The following BICRAL variants were observed in gnomAD, a reference collection of about 807,000 sequenced individuals.
The protein encoded by BICRAL is BRD4-interacting chromatin-remodeling complex-associated protein-like.
Under a neutral mutation model 91.8 loss-of-function variants are expected in BICRAL, and 8 were observed. The ratio of observed to expected loss-of-function variants is 0.09; its 90% confidence interval spans 0.05 to 0.16. BICRAL has a LOEUF of 0.16. Among genes scored for constraint, BICRAL ranks in the 10% least tolerant of loss-of-function variants. BICRAL has a pLI of 1.00. For synonymous variants in BICRAL, 445 were observed against 491.1 expected (o/e 0.91, Z 1.24); for missense variants, 1,038 against 1,310.9 (o/e 0.79, Z 3.21).
intron 1 of BICRAL, among the ~76,000 whole-genome samples, chr6:42,775,657 CT>C (rs548746964): frequency 1.3e-5 from 2 of 151,486 alleles, no homozygotes; most frequent in African/African-American, 2.4e-5. Context: ...GTGCTGAATG[CT>C]TTTTTTTTAT....
intron 8 of BICRAL, among the ~76,000 whole-genome samples, chr6:42,853,950 C>T (rs1053338013): frequency 6.6e-5 from 10 of 152,182 alleles, no homozygotes; most frequent in African/African-American, 2.2e-4. Context: ...CTATTTCTGA[C>T]ATGTTTACAG....
intron 1 of BICRAL, among the ~76,000 whole-genome samples, chr6:42,775,689 T>C (rs1463914906): frequency 6.6e-6 from 1 of 152,216 alleles, no homozygotes; most frequent in African/African-American, 2.4e-5. Flanking sequence ...TCTGCTGTAT[T>C]GTATTAATTC....
chr6:42,851,631 T>A (rs1251006735), intron 6 of BICRAL, among the ~76,000 whole-genome samples: 1 of 152,224 alleles, frequency 6.6e-6, no homozygotes, highest in East Asian at 1.9e-4. Context: ...TTATATCATC[T>A]ACACAGCAAA....
chr6:42,860,397 C>A, intron 11 of BICRAL, 41 bp downstream of exon 11: 1 of 1,112,140 alleles, frequency 9.0e-7, no homozygotes, highest in Non-Finnish European at 1.4e-6. Flanking sequence ...TAAAACTTTA[C>A]AGGTCACAGC....
chr6:42,775,875 A>G (rs1031336407), intron 1 of BICRAL, among the ~76,000 whole-genome samples: 7 of 152,226 alleles, frequency 4.6e-5, no homozygotes, highest in African/African-American at 1.7e-4. Flanking sequence ...CAAGGTATTG[A>G]AAACATTTGT....
chr6:42,833,149 G>A (rs1423445799), intron 6 of BICRAL, among the ~76,000 whole-genome samples: 3 of 150,580 alleles, frequency 2.0e-5, no homozygotes, highest in Non-Finnish European at 3.0e-5. Flanking sequence ...TCCGCCTCCC[G>A]GGTTCACGCC....
chr6:42,757,588 T>A (rs1762482140), intron 1 of BICRAL, among the ~76,000 whole-genome samples: 1 of 152,138 alleles, frequency 6.6e-6, no homozygotes, highest in Admixed American at 6.5e-5. Flanking sequence ...GGTTTTGCCA[T>A]GTTGGCCAGA....
intron 1 of BICRAL, among the ~76,000 whole-genome samples, chr6:42,770,155 G>C (rs1463318126): frequency 6.6e-6 from 1 of 152,120 alleles, no homozygotes; most frequent in Non-Finnish European, 1.5e-5. Flanking sequence ...TTCCCCATGT[G>C]ATTTGGAGAA....
chr6:42,758,609 C>T (rs1762494455), intron 1 of BICRAL, among the ~76,000 whole-genome samples: 1 of 151,508 alleles, frequency 6.6e-6, no homozygotes, highest in Non-Finnish European at 1.5e-5. Flanking sequence ...CAATGGAAAT[C>T]TGGAGTGCTG....
intron 1 of BICRAL, among the ~76,000 whole-genome samples, chr6:42,806,823 A>T (rs1763720455): frequency 6.7e-6 from 1 of 149,124 alleles, no homozygotes; most frequent in Non-Finnish European, 1.5e-5. Context: ...CTGGTATTTC[A>T]TGTTTGTTTG....
At chr6:42,855,833 TA>T in intron 8 of BICRAL, 22 bp from the exon 9 acceptor site, 1 of 1,593,232 alleles carries the variant, frequency 6.3e-7, no homozygotes, top group South Asian at 1.1e-5. Context: ...AAGGGAATAA[TA>T]AGAGGTTTGT....
At chr6:42,834,610 T>C (rs548557034) in intron 6 of BICRAL, among the ~76,000 whole-genome samples, 3 of 152,288 alleles carry the variant, frequency 2.0e-5, no homozygotes, top group Admixed American at 1.3e-4. Flanking sequence ...CTTAGATTAT[T>C]TGTAGTCAGT....
At chr6:42,861,852 G>A (rs766011102) in intron 11 of BICRAL, among the ~76,000 whole-genome samples, 1 of 151,718 alleles carries the variant, frequency 6.6e-6, no homozygotes, top group Admixed American at 6.6e-5. Context: ...TAAAAAAATT[G>A]TCTGGGTGTG....
upstream of BICRAL, among the ~76,000 whole-genome samples, chr6:42,780,242 TG>T (rs1762867908): frequency 6.6e-6 from 1 of 152,192 alleles, no homozygotes; most frequent in South Asian, 2.1e-4. Context: ...CAACATTGTA[TG>T]CCGGCCCCAA....
At chr6:42,816,144 G>A (rs1308571017) in intron 2 of BICRAL, among the ~76,000 whole-genome samples, 2 of 151,536 alleles carry the variant, frequency 1.3e-5, no homozygotes, top group Non-Finnish European at 2.9e-5. Flanking sequence ...GATCACTTAA[G>A]TGCAGCAGTT....
In BICRAL at chr6:42,857,229, G is replaced by C; in HGVS notation, c.2247G>C (p.Leu749Phe). ...GCTCCATGCCCACTGAAGAAGACTT[G>C]AGAAAAGGTAAGCAGGCTGGGACCC... ...CQGSMPTEEDLRKVDNEFETV... is the reference protein window; with the variant it reads ...CQGSMPTEEDFRKVDNEFETV... The change falls in exon 10 of 13, where the codon TTG becomes TTC. Residue 749 changes from leucine to phenylalanine, a missense_variant. By Grantham distance (22) the Leu-to-Phe change is conservative (BLOSUM62 0). Transcript: ENST00000314073. The C allele has an allele frequency of 2.5e-6, 4 of 1,612,856 alleles. No individual in the cohort carries two copies. The highest frequency in any genetic ancestry group is 3.4e-6 in the Non-Finnish European group (4 of 1,179,236).
chr6:42,843,015 A>G lies in BICRAL; in HGVS notation c.1840-9077A>G, dbSNP rs150246615. 7.2e-3 allele frequency among the ~76,000 whole-genome samples: 1,099 copies of G among 151,860 alleles called. 7 individuals are homozygous for G. The highest frequency in any genetic ancestry group is 0.023 in the African/African-American group (973 of 41,412). ...ACTACAGGCGCCCACCATCACACCCATTTAATTTTTTGTATTTTTTTAGTA... is the reference window on the plus strand; with the variant it reads ...ACTACAGGCGCCCACCATCACACCCGTTTAATTTTTTGTATTTTTTTAGTA... On this transcript the variant is annotated intron_variant, in intron 6 of 12. Coordinates refer to ENST00000314073, the MANE Select transcript of BICRAL (RefSeq NM_001393499.1).
chr6:42,759,804 A>G (rs1295693077), intron 1 of BICRAL, among the ~76,000 whole-genome samples: 2 of 152,128 alleles, frequency 1.3e-5, no homozygotes, highest in Admixed American at 6.6e-5. Context: ...TTCTGGTTAG[A>G]TGATTATGAG....
intron 1 of BICRAL, among the ~76,000 whole-genome samples, chr6:42,764,312 C>T (rs1267512620): frequency 4.6e-5 from 7 of 150,758 alleles, no homozygotes; most frequent in South Asian, 2.1e-4. Context: ...CTTTGGGAGG[C>T]GGAGGTGGGT....
Sources: gnomAD v4.1 joint callset for allele counts (sites outside exome capture counted in the v4.1 genomes callset) on GRCh38, gnomAD v4.1.1 for gene constraint, MANE v1.5 for transcripts, NCBI Gene and HGNC (gene_info 2026-07-23, HGNC 2026-07-21) for gene names.